The following ZKSCAN1 variants were observed in gnomAD, a reference collection of about 807,000 sequenced individuals.
ZKSCAN1 encodes zinc finger with KRAB and SCAN domains 1, also known as zinc finger protein with KRAB and SCAN domains 1.
A neutral mutation model predicts 51.6 loss-of-function variants in ZKSCAN1; 14 were observed. The ratio of observed to expected loss-of-function variants is 0.27; its 90% CI spans 0.18 to 0.42. The LOEUF (loss-of-function observed/expected upper bound fraction) is 0.42. Among genes scored for constraint, ZKSCAN1 ranks in the 10% least tolerant of loss-of-function variants. ZKSCAN1 has a pLI of 1.00. For missense variants in ZKSCAN1, 531 were observed against 710.0 expected (o/e 0.75, Z 2.86); for synonymous variants, 263 against 261.5 (o/e 1.01, Z -0.06).
chr7:100,028,715 G>A (rs1037741929), intron 3 of ZKSCAN1, among the ~76,000 whole-genome samples: 7 of 148,574 alleles, frequency 4.7e-5, no homozygotes, highest in Admixed American at 3.4e-4. Flanking sequence ...TTGTGATCAC[G>A]TGATAATGTT....
chr7:100,023,706 C>T lies in ZKSCAN1; in HGVS notation c.200C>T (p.Thr67Ile). The change falls in exon 2 of 6, where the codon ACT (threonine) becomes ATT (isoleucine). Residue 67 changes from threonine to isoleucine, a missense_variant. By Grantham distance (89) the Thr-to-Ile change is moderately conservative. Coordinates refer to ENST00000324306, the MANE Select transcript of ZKSCAN1 (RefSeq NM_003439.4). The part of the protein sequence containing the change: ...QRFRRFCYQN[T>I]FGPREALSRL... The stretch of plus-strand genomic sequence containing the variant: ...TTCAGGCGCTTCTGTTACCAGAACA[C>T]TTTTGGGCCCCGAGAGGCTCTCAGT... 6.2e-7 allele frequency: 1 copy of T among 1,614,226 alleles called. No homozygotes were observed. The highest frequency in any genetic ancestry group is 1.1e-5 in the South Asian group (1 of 91,090).
intron 3 of ZKSCAN1, chr7:100,024,996 G>A (rs1790762973): frequency 1.3e-5 from 2 of 148,410 alleles, no homozygotes; most frequent in South Asian, 4.3e-4. Flanking sequence ...CTACATTGTT[G>A]TCATTATTAC....
chr7:100,044,493 C>A (rs761430410), downstream of ZKSCAN1, among the ~76,000 whole-genome samples: 1 of 151,718 alleles, frequency 6.6e-6, no homozygotes, highest in African/African-American at 2.4e-5. Context: ...CGGTGAAACT[C>A]CGTCTCTACT....
In ZKSCAN1 at chr7:100,034,097, C is replaced by T. The variant is rs1330957604; in HGVS notation, c.1592C>T (p.Thr531Ile). 1 of 1,609,676 alleles carries T rather than the reference C, an allele frequency of 6.2e-7. No individual in the cohort carries two copies. The highest frequency in any genetic ancestry group is 1.7e-5 in the Admixed American group (1 of 59,820). ...KCGKAFTRSSTLTLHHRIHAR... is the reference protein window; with the variant it reads ...KCGKAFTRSSILTLHHRIHAR... ...GGCAAGGCCTTCACCCGCAGCTCCA[C>T]CCTCACTCTGCATCACAGAATCCAT... The change falls in exon 6 of 6, where the codon ACC becomes ATC. Residue 531 changes from threonine (T) to isoleucine (I), a missense_variant. Thr to Ile is a moderately conservative substitution (Grantham distance 89). Around this residue, in one of 2 missense-constraint regions of ZKSCAN1, gnomAD observed 128 missense variants for 219.5 expected, o/e 0.58. Coordinates refer to ENST00000324306, the MANE Select transcript of ZKSCAN1 (RefSeq NM_003439.4).
chr7:100,042,610 A>G (rs1003548577), downstream of ZKSCAN1, among the ~76,000 whole-genome samples: 2 of 152,076 alleles, frequency 1.3e-5, no homozygotes, highest in African/African-American at 2.4e-5. Context: ...TGGACCGGCT[A>G]TAAATCAAGG....
chr7:100,020,670 T>G lies in ZKSCAN1; in HGVS notation c.-88-2749T>G, dbSNP rs1584328053. On this transcript the variant is annotated intron_variant, in intron 1 of 5. Transcript: ENST00000324306. ...GACTCCGTTTCAATATATATGTATA[T>G]ATAATTTTTGTGCTGTTATATGTAC... Among the ~76,000 whole-genome samples, 4 of 152,318 alleles carry G rather than the reference T, an allele frequency of 2.6e-5. 1 individual carries two copies. The highest frequency in any genetic ancestry group is 2.6e-4 in the Admixed American group (4 of 15,290).
intron 1 of ZKSCAN1, chr7:100,016,982 C>A (rs759293371): frequency 1.3e-5 from 2 of 152,134 alleles, no homozygotes; most frequent in Non-Finnish European, 2.9e-5. Context: ...TTATTTCAGG[C>A]AGTTTTCACC....
Position 100,041,476 on chromosome 7 carries a change from G to C in ZKSCAN1, c.*7279G>C. On this transcript the variant is annotated 3_prime_UTR_variant, in exon 6 of 6. Transcript: ENST00000324306. ...GTAACCATTGGAAACCTCGAATGAG[G>C]GCTAAAGTTTTAATCATAAGAGAAA... 1 of 985,368 alleles carries C rather than the reference G, an allele frequency of 1.0e-6. No homozygotes were observed. Among genetic ancestry groups the C allele is most frequent in the Non-Finnish European group, 1.2e-6 (1 of 829,932 alleles). The allele number at this position is 985,368 out of a possible 1,614,324, so 61.0% of individuals were successfully genotyped here.
downstream of ZKSCAN1, among the ~76,000 whole-genome samples, chr7:100,044,290 C>CT (rs892197925): frequency 2.0e-5 from 3 of 152,150 alleles, no homozygotes; most frequent in African/African-American, 7.2e-5. Flanking sequence ...CCCAATCTCT[C>CT]TCCCCTCACT....
chr7:100,040,249 C>T lies in ZKSCAN1; in HGVS notation c.*6052C>T. On this transcript the variant is annotated 3_prime_UTR_variant, in exon 6 of 6. Transcript: ENST00000324306. ...GTTCCATTTAATAGCGGACACCACC[C>T]CAATCTCATGTTTTCCTGTTACCCT... 1 of 985,286 alleles carries T rather than the reference C, an allele frequency of 1.0e-6. No individual in the cohort carries two copies. Among genetic ancestry groups the T allele is most frequent in the Non-Finnish European group, 1.2e-6 (1 of 829,906 alleles). 61.0% of individuals were successfully genotyped at this position (985,286 alleles called of 1,614,324 possible). A position where few individuals can be genotyped will look rare whatever the true frequency, so the allele number is the denominator to read the frequency against.
intron 3 of ZKSCAN1, among the ~76,000 whole-genome samples, chr7:100,026,485 C>T (rs1027819888): frequency 2.0e-5 from 3 of 151,874 alleles, no homozygotes; most frequent in Non-Finnish European, 4.4e-5. Flanking sequence ...CCCAGCACTT[C>T]GGGAGTCCAA....
chr7:100,036,441 G>A lies in ZKSCAN1; in HGVS notation c.*2244G>A. 3.0e-6 allele frequency: 3 copies of A among 985,462 alleles called. No homozygotes were observed. Among genetic ancestry groups the A allele is most frequent in the Non-Finnish European group, 3.6e-6 (3 of 829,930 alleles). 61.0% of individuals were successfully genotyped at this position (985,462 alleles called of 1,614,324 possible). ...CCCTCTAGAAAGCAACTGAGGCCAG[G>A]TGCGGTGGCTCACGCCTGTAATCCC... On this transcript the variant is annotated 3_prime_UTR_variant, in exon 6 of 6. Coordinates refer to ENST00000324306, the MANE Select transcript of ZKSCAN1 (RefSeq NM_003439.4).
intron 1 of ZKSCAN1, chr7:100,019,187 A>C (rs927017259): frequency 1.3e-5 from 2 of 152,128 alleles, no homozygotes; most frequent in African/African-American, 4.8e-5. Flanking sequence ...ACTGGGTGGT[A>C]GATAAGGCCC....
At chr7:100,031,085 G>A (rs1340899249) in intron 5 of ZKSCAN1, among the ~76,000 whole-genome samples, 1 of 152,086 alleles carries the variant, frequency 6.6e-6, no homozygotes, top group African/African-American at 2.4e-5. Flanking sequence ...GGACAGTGCT[G>A]CAAAGAAGCC....
downstream of ZKSCAN1, among the ~76,000 whole-genome samples, chr7:100,044,201 G>C (rs1431344655): frequency 6.6e-6 from 1 of 152,066 alleles, no homozygotes; most frequent in Non-Finnish European, 1.5e-5. Flanking sequence ...GTTTCCTCTT[G>C]ATCATTTTCC....
At chr7:100,018,380 T>C (rs1790460493) in intron 1 of ZKSCAN1, among the ~76,000 whole-genome samples, 1 of 151,644 alleles carries the variant, frequency 6.6e-6, no homozygotes, top group East Asian at 1.9e-4. Context: ...GCAAGAAAAA[T>C]TACAGAGAAA....
chr7:100,033,366 A>C lies in ZKSCAN1; in HGVS notation c.861A>C (p.Ser287=). The C allele has an allele frequency of 2.5e-6, 4 of 1,614,130 alleles. No individual in the cohort carries two copies. The highest frequency in any genetic ancestry group is 3.4e-6 in the Non-Finnish European group (4 of 1,180,026). ...CAAAGGCTGAAACCTCGGAAGATTC[A>C]GCATCACGCGGGGAGACAACAGGAA... ...STSKAETSED[S]ASRGETTGRS... Residue 287 remains serine (S), a synonymous_variant, in exon 6 of 6, where the codon TCA becomes TCC. Coordinates refer to ENST00000324306, the MANE Select transcript of ZKSCAN1 (RefSeq NM_003439.4). The surrounding 1 kb of genome is among the most constrained non-coding windows in gnomAD (Gnocchi z 4.1).
At position 100,036,468 on chromosome 7, in the gene ZKSCAN1, G is replaced by A. The variant is rs1791364362; in HGVS notation, c.*2271G>A. ...GCGGTGGCTCACGCCTGTAATCCCA[G>A]CACTTTGGGAGGCCGAGGTGAGCGG... On this transcript the variant is annotated 3_prime_UTR_variant, in exon 6 of 6. Coordinates refer to ENST00000324306, the MANE Select transcript of ZKSCAN1 (RefSeq NM_003439.4). The A allele has an allele frequency of 2.0e-6, 2 of 984,192 alleles. No homozygotes were observed. The highest frequency in any genetic ancestry group is 2.4e-6 in the Non-Finnish European group (2 of 828,922). 61.0% of individuals were successfully genotyped at this position (984,192 alleles called of 1,614,324 possible).
chr7:100,018,945 G>A (rs1790486240), intron 1 of ZKSCAN1, among the ~76,000 whole-genome samples: 1 of 152,176 alleles, frequency 6.6e-6, no homozygotes, highest in Non-Finnish European at 1.5e-5. Context: ...CCTTAGAGTC[G>A]CATCTTCGCA....
Sources: allele counts gnomAD v4.1 joint callset (sites outside exome capture counted in the v4.1 genomes callset), GRCh38; gene constraint gnomAD v4.1.1; regional missense constraint gnomAD v4.1.1; non-coding constraint Gnocchi (gnomAD v3.1); transcripts MANE v1.5; gene names NCBI Gene and HGNC (gene_info 2026-07-23, HGNC 2026-07-21).